The following KIRREL3 variants were observed in gnomAD, a reference collection of about 807,000 sequenced individuals.
The protein encoded by KIRREL3 is kirre like nephrin family adhesion molecule 3, also known as kin of IRRE-like protein 3.
Under a neutral mutation model 89.7 loss-of-function variants are expected in KIRREL3, and 36 were observed. The ratio of observed to expected loss-of-function variants is 0.40; its 90% CI spans 0.31 to 0.53. KIRREL3 has a LOEUF of 0.53. Among genes scored for constraint, KIRREL3 ranks in the 20% least tolerant of loss-of-function variants. KIRREL3 has a pLI of 0.49. For missense variants in KIRREL3, 864 were observed against 1,056.6 expected (o/e 0.82, Z 2.53); for synonymous variants, 445 against 441.4 (o/e 1.01, Z -0.10).
In KIRREL3 at chr11:126,486,286, G is replaced by A. The variant is rs1403490834; in HGVS notation, c.434-12820C>T. Among the ~76,000 whole-genome samples the A allele has an allele frequency of 5.3e-5, 8 of 152,196 alleles. No homozygotes were observed. Among genetic ancestry groups the A allele is most frequent in the Non-Finnish European group, 8.8e-5 (6 of 68,034 alleles). Reference sequence around the variant, plus strand: ...GGGAGAGGCCAGCAGAGAAGGGACAGTGGGGTGGGGGAGTGCATCAAACTG... The same window carrying A: ...GGGAGAGGCCAGCAGAGAAGGGACAATGGGGTGGGGGAGTGCATCAAACTG... On this transcript the variant is annotated intron_variant, in intron 4 of 16. Transcript: ENST00000525144. This position sits in a 1 kb window ranked among gnomAD's most constrained non-coding sequence, Gnocchi z 6.2.
At chr11:126,716,694 ATCAG>A (rs998233103) in intron 1 of KIRREL3, among the ~76,000 whole-genome samples, 102 of 128,818 alleles carry the variant, frequency 7.9e-4, no homozygotes, top group African/African-American at 3.0e-3. Flanking sequence ...AACTGGCCAT[ATCAG>A]TCAAAGAAGG....
Position 126,641,382 on chromosome 11 carries a change from G to A in KIRREL3, c.56-78470C>T, listed in dbSNP as rs1944462140. ...GGCCTTGTCTCTGAAGAGCCTCTTG[G>A]TGGTCACAAAGCTACTTGCCACTCT... On this transcript the variant is annotated intron_variant, in intron 1 of 16. Coordinates refer to ENST00000525144, the MANE Select transcript of KIRREL3 (RefSeq NM_032531.4). This position sits in a 1 kb window ranked among gnomAD's most constrained non-coding sequence, Gnocchi z 5.0. Among the ~76,000 whole-genome samples, 1 of 149,244 alleles carries A rather than the reference G, an allele frequency of 6.7e-6. No homozygotes were observed. The highest frequency in any genetic ancestry group is 2.1e-4 in the South Asian group (1 of 4,708).
chr11:126,762,627 C>G (rs540166724), intron 1 of KIRREL3, among the ~76,000 whole-genome samples: 1 of 152,172 alleles, frequency 6.6e-6, no homozygotes, highest in Non-Finnish European at 1.5e-5. Flanking sequence ...GCTGGAGCAA[C>G]CCTTGTGGAC....
chr11:126,440,283 G>A (rs150960524), intron 11 of KIRREL3, 166 bp downstream of exon 11: 9 of 718,668 alleles, frequency 1.3e-5, no homozygotes, highest in Non-Finnish European at 2.2e-5. Flanking sequence ...GCCTGCAATT[G>A]TGTCTTCACG....
At chr11:126,792,589 C>G (rs889418248) in intron 1 of KIRREL3, among the ~76,000 whole-genome samples, 19 of 152,138 alleles carry the variant, frequency 1.2e-4, no homozygotes, top group African/African-American at 4.6e-4. Flanking sequence ...ATATACAAGG[C>G]AGCTCACAGC....
chr11:126,730,896 G>A (rs562120240), intron 1 of KIRREL3, among the ~76,000 whole-genome samples: 94 of 152,060 alleles, frequency 6.2e-4, no homozygotes, highest in Middle Eastern at 3.4e-3. Flanking sequence ...CTGCCACCAC[G>A]CCTGGCTAAT....
chr11:126,474,799 A>G lies in KIRREL3; in HGVS notation c.434-1333T>C, dbSNP rs1469041977. On this transcript the variant is annotated intron_variant, in intron 4 of 16. Transcript: ENST00000525144. The surrounding 1 kb of genome is among the most constrained non-coding windows in gnomAD (Gnocchi z 6.7). ...TCACCCTTTGATTCCGATGAGGACC[A>G]TGGGCTGAAGGATGGTGGATGATCA... is the stretch of plus-strand genomic sequence containing the variant. Among the ~76,000 whole-genome samples the G allele has an allele frequency of 3.3e-5, 5 of 152,224 alleles. No homozygotes were observed. The East Asian group carries it at 7.7e-4, about 23-fold the overall frequency.
intron 1 of KIRREL3, among the ~76,000 whole-genome samples, chr11:126,886,408 TA>T (rs1271824569): frequency 6.6e-6 from 1 of 152,156 alleles, no homozygotes. Flanking sequence ...CCAGCGCTAA[TA>T]AAAAAATATG....
chr11:126,674,185 T>C (rs571958380), intron 1 of KIRREL3, among the ~76,000 whole-genome samples: 33 of 152,288 alleles, frequency 2.2e-4, no homozygotes, highest in African/African-American at 7.9e-4. Context: ...TCATGAATGT[T>C]TTGGGAATTC....
At chr11:126,882,513 G>A (rs1386826062) in intron 1 of KIRREL3, among the ~76,000 whole-genome samples, 2 of 133,012 alleles carry the variant, frequency 1.5e-5, no homozygotes, top group Non-Finnish European at 3.1e-5. Flanking sequence ...CAGGAGAAAC[G>A]CTCTGGCTCC....
chr11:126,974,556 G>T, intron 1 of KIRREL3, among the ~76,000 whole-genome samples: 1 of 113,868 alleles, frequency 8.8e-6, no homozygotes, highest in Admixed American at 9.8e-5. Flanking sequence ...AGGCTACATG[G>T]TATAGCCCGT....
intron 1 of KIRREL3, among the ~76,000 whole-genome samples, chr11:126,648,511 C>G (rs923939765): frequency 1.1e-4 from 17 of 152,142 alleles, no homozygotes; most frequent in African/African-American, 4.1e-4. Context: ...ACTTTATATC[C>G]CTCTCCCTGT....
rs1192155615 is a variant in KIRREL3, at chr11:126,486,397, A to C, written c.434-12931T>G. ...TACACTCACCCTCCCAGTCCTGCGGAGCGAGAGACTTTCTCCTTTCTCCAG... is the reference window on the plus strand; with the variant it reads ...TACACTCACCCTCCCAGTCCTGCGGCGCGAGAGACTTTCTCCTTTCTCCAG... On this transcript the variant is annotated intron_variant, in intron 4 of 16. Transcript: ENST00000525144. The surrounding 1 kb of genome is among the most constrained non-coding windows in gnomAD (Gnocchi z 6.2). Among the ~76,000 whole-genome samples the C allele has an allele frequency of 1.3e-5, 2 of 152,146 alleles. No individual in the cohort carries two copies. The highest frequency in any genetic ancestry group is 2.4e-5 in the African/African-American group (1 of 41,416).
chr11:126,803,085 A>G (rs1442676217), intron 1 of KIRREL3, among the ~76,000 whole-genome samples: 1 of 152,210 alleles, frequency 6.6e-6, no homozygotes, highest in African/African-American at 2.4e-5. Context: ...TGAGGAACTG[A>G]GAAGAGACTG....
Position 126,676,550 on chromosome 11 carries a change from C to T in KIRREL3, c.56-113638G>A, listed in dbSNP as rs1397269295. Among the ~76,000 whole-genome samples the T allele has an allele frequency of 6.6e-6, 1 of 152,052 alleles. No individual in the cohort carries two copies. The highest frequency in any genetic ancestry group is 1.5e-5 in the Non-Finnish European group (1 of 68,014). On this transcript the variant is annotated intron_variant, in intron 1 of 16. Coordinates refer to ENST00000525144, the MANE Select transcript of KIRREL3 (RefSeq NM_032531.4). The surrounding 1 kb of genome is among the most constrained non-coding windows in gnomAD (Gnocchi z 4.5). ...TGAGTTGGGGGGAGATGCTGCGAGTCCTTTAAAGAACCTCCCATAGCAGTC... is the reference window on the plus strand; with the variant it reads ...TGAGTTGGGGGGAGATGCTGCGAGTTCTTTAAAGAACCTCCCATAGCAGTC...
chr11:126,551,868 A>G lies in KIRREL3; in HGVS notation c.133+10967T>C, dbSNP rs1939293825. The stretch of plus-strand genomic sequence containing the variant: ...ACCATGTTAGTCAGGCTGGTCTTGA[A>G]CTCCTGACCTCAGGTGATCCACCCG... On this transcript the variant is annotated intron_variant, in intron 2 of 16. Coordinates refer to ENST00000525144, the MANE Select transcript of KIRREL3 (RefSeq NM_032531.4). This position sits in a 1 kb window ranked among gnomAD's most constrained non-coding sequence, Gnocchi z 4.9. 6.6e-6 allele frequency among the ~76,000 whole-genome samples: 1 copy of G among 151,512 alleles called. No individual in the cohort carries two copies.
intron 1 of KIRREL3, among the ~76,000 whole-genome samples, chr11:126,846,064 T>C (rs1040993248): frequency 6.6e-6 from 1 of 152,224 alleles, no homozygotes; most frequent in Non-Finnish European, 1.5e-5. Context: ...TGTTATCTGA[T>C]GGTTTTAACT....
chr11:126,429,368 C>A lies in KIRREL3; in HGVS notation c.1697-80G>T, dbSNP rs1238334757. On this transcript the variant is annotated intron_variant, in intron 14 of 16. Coordinates refer to ENST00000525144, the MANE Select transcript of KIRREL3 (RefSeq NM_032531.4). The surrounding 1 kb of genome is among the most constrained non-coding windows in gnomAD (Gnocchi z 5.2). ...GTCAAGCTCCCTTGCAGTCCCCTGCCCCTGCCCTGCCACCCTCTGCATTTC... is the reference window on the plus strand; with the variant it reads ...GTCAAGCTCCCTTGCAGTCCCCTGCACCTGCCCTGCCACCCTCTGCATTTC... 2 of 931,454 alleles carry A rather than the reference C, an allele frequency of 2.1e-6. No homozygotes were observed. Among genetic ancestry groups the A allele is most frequent in the Non-Finnish European group, 1.7e-6 (1 of 582,224 alleles). 57.7% of individuals were successfully genotyped at this position (931,454 alleles called of 1,614,324 possible). A position where few individuals can be genotyped will look rare whatever the true frequency, so the allele number is the denominator to read the frequency against.
Position 126,783,379 on chromosome 11 carries a change from A to G in KIRREL3, c.55+217076T>C, listed in dbSNP as rs749400124. Among the ~76,000 whole-genome samples the G allele has an allele frequency of 3.3e-5, 5 of 152,068 alleles. No homozygotes were observed. The highest frequency in any genetic ancestry group is 5.9e-5 in the Non-Finnish European group (4 of 68,020). ...CTTACTCCAGTATGACTTCATCCTA[A>G]CTAGTGACACCTGCAATATCCCTGC... is the stretch of plus-strand genomic sequence containing the variant. On this transcript the variant is annotated intron_variant, in intron 1 of 16. Transcript: ENST00000525144. This position sits in a 1 kb window ranked among gnomAD's most constrained non-coding sequence, Gnocchi z 4.3.
Sources: allele counts gnomAD v4.1 joint callset (sites outside exome capture counted in the v4.1 genomes callset), GRCh38; gene constraint gnomAD v4.1.1; non-coding constraint Gnocchi (gnomAD v3.1); transcripts MANE v1.5; gene names NCBI Gene and HGNC (gene_info 2026-07-23, HGNC 2026-07-21).